SLC9A9: variants seen among roughly 807,000 people sequenced by gnomAD.
SLC9A9 encodes the protein solute carrier family 9 member A9.
SLC9A9 carries 62 observed loss-of-function variants against 77.8 expected under a neutral mutation model. That is an observed-to-expected ratio of 0.80 (90% CI 0.65 to 0.98). The LOEUF is 0.98. SLC9A9 is among the 50% of genes least tolerant of loss of function. The pLI, the probability that SLC9A9 is intolerant of heterozygous loss-of-function variation, is 0.00. For synonymous variants in SLC9A9, 320 were observed against 283.5 expected (o/e 1.13, Z -1.29); for missense variants, 775 against 774.9 (o/e 1.00, Z 0.00).
At chr3:143,312,721 C>T (rs1239612773) in intron 14 of SLC9A9, among the ~76,000 whole-genome samples, 7 of 152,232 alleles carry the variant, frequency 4.6e-5, no homozygotes, top group African/African-American at 1.4e-4. Context: ...TTGGCCACCA[C>T]CTGTTCATCC....
chr3:143,462,153 G>A (rs533331354), intron 12 of SLC9A9, among the ~76,000 whole-genome samples: 1 of 152,166 alleles, frequency 6.6e-6, no homozygotes, highest in South Asian at 2.1e-4. Flanking sequence ...GATTGCTTGA[G>A]CTCAGGAGTT....
chr3:143,301,464 C>T (rs1458196215), intron 14 of SLC9A9, among the ~76,000 whole-genome samples: 1 of 152,100 alleles, frequency 6.6e-6, no homozygotes, highest in Non-Finnish European at 1.5e-5. Flanking sequence ...TTTTCTTGGC[C>T]CTCTAGTGGA....
At chr3:143,556,746 TTTTC>T (rs2036989837) in intron 8 of SLC9A9, among the ~76,000 whole-genome samples, 1 of 152,214 alleles carries the variant, frequency 6.6e-6, no homozygotes, top group Non-Finnish European at 1.5e-5. Flanking sequence ...AGCCAGATCG[TTTTC>T]TTTTTTTCTG....
At chr3:143,795,662 G>A (rs1041453695) in intron 3 of SLC9A9, among the ~76,000 whole-genome samples, 1 of 152,304 alleles carries the variant, frequency 6.6e-6, no homozygotes, top group Non-Finnish European at 1.5e-5. Context: ...ACAGGAGGTC[G>A]AAGCTGCTGT....
At chr3:143,498,621 T>G (rs371545196) in intron 9 of SLC9A9, among the ~76,000 whole-genome samples, 1 of 152,056 alleles carries the variant, frequency 6.6e-6, no homozygotes. Context: ...AAGAAATGTT[T>G]TTCTTGAGTT....
At chr3:143,829,104 T>G (rs1183774182) in intron 2 of SLC9A9, among the ~76,000 whole-genome samples, 1 of 152,198 alleles carries the variant, frequency 6.6e-6, no homozygotes, top group Non-Finnish European at 1.5e-5. Flanking sequence ...ATTTCTTGTT[T>G]TGCCCATCTA....
At chr3:143,657,575 T>G (rs1343422705) in intron 5 of SLC9A9, among the ~76,000 whole-genome samples, 2 of 152,216 alleles carry the variant, frequency 1.3e-5, no homozygotes, top group African/African-American at 2.4e-5. Flanking sequence ...TTTATTCTAA[T>G]TCTTTCATTA....
chr3:143,619,444 C>T (rs1044798360), intron 6 of SLC9A9, among the ~76,000 whole-genome samples: 3 of 152,126 alleles, frequency 2.0e-5, no homozygotes, highest in Non-Finnish European at 2.9e-5. Flanking sequence ...TTCAAATTTG[C>T]AAAAATTTAC....
At chr3:143,496,858 C>A (rs1474162630) in intron 9 of SLC9A9, among the ~76,000 whole-genome samples, 1 of 152,142 alleles carries the variant, frequency 6.6e-6, no homozygotes, top group South Asian at 2.1e-4. Flanking sequence ...ATTTATTTCT[C>A]ATAGTTCTGG....
At chr3:143,321,975 C>A (rs2031437841) in intron 14 of SLC9A9, among the ~76,000 whole-genome samples, 1 of 152,174 alleles carries the variant, frequency 6.6e-6, no homozygotes, top group Non-Finnish European at 1.5e-5. Flanking sequence ...ACTGGATCAT[C>A]TTTTCCTTCA....
At chr3:143,400,926 C>T (rs1576472717) in intron 12 of SLC9A9, among the ~76,000 whole-genome samples, 1 of 152,048 alleles carries the variant, frequency 6.6e-6, no homozygotes, top group East Asian at 1.9e-4. Flanking sequence ...TGTTTGCCTC[C>T]CCCAGTCCTG....
At chr3:143,372,642 C>T (rs539096886) in intron 13 of SLC9A9, among the ~76,000 whole-genome samples, 2 of 152,012 alleles carry the variant, frequency 1.3e-5, no homozygotes, top group African/African-American at 2.4e-5. Flanking sequence ...AATAAACTTA[C>T]GTGTAGCAAA....
At chr3:143,658,067 A>G (rs530401728) in intron 5 of SLC9A9, among the ~76,000 whole-genome samples, 2 of 152,238 alleles carry the variant, frequency 1.3e-5, no homozygotes, top group South Asian at 2.1e-4. Flanking sequence ...GAGTTTCACC[A>G]TCTTGGCCAG....
chr3:143,698,899 G>A (rs567871389), intron 4 of SLC9A9, among the ~76,000 whole-genome samples: 2 of 152,190 alleles, frequency 1.3e-5, no homozygotes, highest in Non-Finnish European at 2.9e-5. Flanking sequence ...AGCTTGCTCT[G>A]CAGTGGGAAA....
Position 143,778,001 on chromosome 3 carries a change from C to A in SLC9A9, c.533+17000G>T, listed in dbSNP as rs181245546. ...CTGCTGGGATTACAGGCATGAGCCA[C>A]CACGCCCGGCCCGTCACTGATACTT... On this transcript the variant is annotated intron_variant, in intron 4 of 15. Coordinates refer to ENST00000316549, the MANE Select transcript of SLC9A9 (RefSeq NM_173653.4). 2.1e-3 allele frequency among the ~76,000 whole-genome samples: 288 copies of A among 135,408 alleles called. 2 individuals carry two copies. Among genetic ancestry groups the A allele is most frequent in the Middle Eastern group, 8.8e-3 (2 of 226 alleles). 88.8% of individuals were successfully genotyped at this position (135,408 alleles called of 152,430 possible).
Position 143,579,477 on chromosome 3 carries a change from A to C in SLC9A9, c.756-754T>G, listed in dbSNP as rs1415758672. Among the ~76,000 whole-genome samples the C allele has an allele frequency of 5.9e-5, 9 of 152,160 alleles. No homozygotes were observed. The East Asian group carries it at 1.7e-3, about 29-fold the overall frequency. On this transcript the variant is annotated intron_variant, in intron 6 of 15. Coordinates refer to ENST00000316549, the MANE Select transcript of SLC9A9 (RefSeq NM_173653.4). ...ATTTTTTTTAAAACCAGGGCCTCAG[A>C]TCCCAGAGTGTGAATATGAAGGATA...
intron 12 of SLC9A9, among the ~76,000 whole-genome samples, chr3:143,405,113 C>A (rs1193687679): frequency 6.6e-6 from 1 of 152,152 alleles, no homozygotes; most frequent in Non-Finnish European, 1.5e-5. Flanking sequence ...TGAATGTGAT[C>A]CCAGAAGGGC....
chr3:143,809,031 A>G (rs1315446974), intron 2 of SLC9A9, among the ~76,000 whole-genome samples: 19 of 152,248 alleles, frequency 1.2e-4, no homozygotes, highest in Admixed American at 1.2e-3. Context: ...TTCTAAGAGT[A>G]TCAGGAACAC....
At chr3:143,566,770 T>C (rs2037176319) in intron 8 of SLC9A9, among the ~76,000 whole-genome samples, 1 of 152,148 alleles carries the variant, frequency 6.6e-6, no homozygotes, top group Admixed American at 6.6e-5. Context: ...TCATTAGACA[T>C]GGTGTCAATG....
Sources: allele counts gnomAD v4.1 joint callset (sites outside exome capture counted in the v4.1 genomes callset), GRCh38; gene constraint gnomAD v4.1.1; transcripts MANE v1.5; gene names NCBI Gene and HGNC (gene_info 2026-07-23, HGNC 2026-07-21).